The following ZHX2 variants were observed in gnomAD, a reference collection of about 807,000 sequenced individuals.
ZHX2 encodes the protein zinc fingers and homeoboxes protein 2.
In ZHX2, 6 loss-of-function variants were observed where a neutral mutation model predicts 21.9. The ratio of observed to expected loss-of-function variants is 0.27; its 90% CI spans 0.15 to 0.54. The LOEUF is 0.54. ZHX2 is among the 20% of genes least tolerant of loss of function. The pLI, the probability that ZHX2 is intolerant of heterozygous loss-of-function variation, is 0.95. For synonymous variants in ZHX2, 434 were observed against 437.1 expected (o/e 0.99, Z 0.09); for missense variants, 908 against 1,090.7 (o/e 0.83, Z 2.36).
chr8:122,854,582 C>A (rs897614029), intron 1 of ZHX2, among the ~76,000 whole-genome samples: 1 of 152,236 alleles, frequency 6.6e-6, no homozygotes, highest in Non-Finnish European at 1.5e-5. Flanking sequence ...TGCTCCTCAC[C>A]TGTGGGACAT....
chr8:122,913,924 C>T (rs551893754), intron 2 of ZHX2, among the ~76,000 whole-genome samples: 2 of 152,304 alleles, frequency 1.3e-5, no homozygotes, highest in South Asian at 4.1e-4. Flanking sequence ...TAACAATGGC[C>T]TTCATGAGAG....
At chr8:122,838,291 G>A (rs904950153) in intron 1 of ZHX2, among the ~76,000 whole-genome samples, 2 of 152,184 alleles carry the variant, frequency 1.3e-5, no homozygotes, top group African/African-American at 2.4e-5. Context: ...ACACCCTGGC[G>A]AATATTCCTC....
At chr8:122,871,297 G>A (rs1293318357) in intron 2 of ZHX2, among the ~76,000 whole-genome samples, 2 of 151,888 alleles carry the variant, frequency 1.3e-5, no homozygotes, top group African/African-American at 2.4e-5. Context: ...ATCAATGATA[G>A]ACTGGATTAA....
chr8:122,786,153 T>C (rs1013080077), intron 1 of ZHX2, among the ~76,000 whole-genome samples: 3 of 152,206 alleles, frequency 2.0e-5, no homozygotes, highest in African/African-American at 7.2e-5. Context: ...AGCTCTCCTT[T>C]CTGGATAATT....
chr8:122,894,661 G>C (rs756262413), intron 2 of ZHX2, among the ~76,000 whole-genome samples: 1 of 152,104 alleles, frequency 6.6e-6, no homozygotes, highest in Non-Finnish European at 1.5e-5. Context: ...TGCGGGGAGC[G>C]GGGAGGGATA....
intron 1 of ZHX2, among the ~76,000 whole-genome samples, chr8:122,838,785 C>T (rs544289628): frequency 5.0e-4 from 76 of 152,172 alleles, no homozygotes; most frequent in Non-Finnish European, 9.3e-4. Context: ...ACCTGTTGGC[C>T]AGGCTGGTCT....
intron 2 of ZHX2, among the ~76,000 whole-genome samples, chr8:122,943,878 G>A (rs1295350467): frequency 6.6e-6 from 1 of 152,126 alleles, no homozygotes; most frequent in Admixed American, 6.5e-5. Context: ...CTTGCCTGCA[G>A]ACCAAAATCC....
At chr8:122,865,741 T>C (rs945499967) in intron 2 of ZHX2, among the ~76,000 whole-genome samples, 5 of 152,228 alleles carry the variant, frequency 3.3e-5, no homozygotes, top group Non-Finnish European at 5.9e-5. Context: ...TCAATAAATA[T>C]TAATCCTTAT....
intron 2 of ZHX2, among the ~76,000 whole-genome samples, chr8:122,910,152 G>T (rs1258255381): frequency 6.6e-6 from 1 of 151,082 alleles, no homozygotes; most frequent in Non-Finnish European, 1.5e-5. Flanking sequence ...AAAAATCAGA[G>T]CTGGACAAAA....
At chr8:122,837,866 T>A (rs139742395) in intron 1 of ZHX2, among the ~76,000 whole-genome samples, 1 of 152,306 alleles carries the variant, frequency 6.6e-6, no homozygotes, top group African/African-American at 2.4e-5. Context: ...TCTTATTGGG[T>A]AAAATGGAAA....
rs146749601 is a variant in ZHX2 at position 122,819,382 on chromosome 8, G to A, written c.-283+37436G>A. On this transcript the variant is annotated intron_variant, in intron 1 of 3. Coordinates refer to ENST00000314393, the MANE Select transcript of ZHX2 (RefSeq NM_014943.5). ...AGTAAGCATGCCAGCAGTCCAGACCGTTATTCCCAGCATGCGTGCTCACAG... is the reference window on the plus strand; with the variant it reads ...AGTAAGCATGCCAGCAGTCCAGACCATTATTCCCAGCATGCGTGCTCACAG... 2.7e-3 allele frequency among the ~76,000 whole-genome samples: 411 copies of A among 152,326 alleles called. 2 individuals carry two copies. The highest frequency in any genetic ancestry group is 0.01 in the Middle Eastern group (3 of 294).
intron 2 of ZHX2, among the ~76,000 whole-genome samples, chr8:122,922,295 G>A (rs1290328588): frequency 6.6e-6 from 1 of 150,806 alleles, no homozygotes; most frequent in Non-Finnish European, 1.5e-5. Flanking sequence ...AAAAGAAAAG[G>A]AAAAAAAGAA....
At position 122,952,768 on chromosome 8, in the gene ZHX2, C is replaced by T. The variant is rs762756401; in HGVS notation, c.1258C>T (p.Arg420Cys). The change falls in exon 3 of 4, where the codon CGT (arginine) becomes TGT (cysteine). Residue 420 changes from arginine (R) to cysteine (C), a missense_variant. By Grantham distance (180) the Arg-to-Cys change is radical (BLOSUM62 -3). Transcript: ENST00000314393. The surrounding 1 kb of genome is among the most constrained non-coding windows in gnomAD (Gnocchi z 6.9). ...VTPQAAPEPK[R>C]PHIAQVPEPP... is the part of the protein sequence containing the mutation. ...TCCCCAAGCTGCCCCCGAACCCAAG[C>T]GTCCACACATCGCTCAGGTGCCAGA... The T allele has an allele frequency of 1.1e-5, 17 of 1,614,006 alleles. No individual in the cohort carries two copies. The highest frequency in any genetic ancestry group is 1.6e-4 in the Middle Eastern group (1 of 6,084).
At chr8:122,959,672 G>C (rs1271323661) in intron 3 of ZHX2, among the ~76,000 whole-genome samples, 1 of 152,170 alleles carries the variant, frequency 6.6e-6, no homozygotes, top group African/African-American at 2.4e-5. Context: ...ACAGCAGCGA[G>C]AGGAGAGGGA....
At chr8:122,957,714 A>G (rs7007315) in intron 3 of ZHX2, among the ~76,000 whole-genome samples, 9,209 of 152,064 alleles carry the variant, frequency 0.061, 868 homozygotes, top group African/African-American at 0.21. Flanking sequence ...CAGGTGATCC[A>G]TCTGCCTCAG....
intron 3 of ZHX2, among the ~76,000 whole-genome samples, chr8:122,959,254 G>A (rs1028360037): frequency 1.3e-5 from 2 of 152,146 alleles, no homozygotes; most frequent in African/African-American, 2.4e-5. Context: ...TGTCAGAAAG[G>A]TATTTTCCAT....
At chr8:122,820,190 AC>A (rs1432841994) in intron 1 of ZHX2, among the ~76,000 whole-genome samples, 1 of 151,952 alleles carries the variant, frequency 6.6e-6, no homozygotes, top group Non-Finnish European at 1.5e-5. Flanking sequence ...TCAGATCAGT[AC>A]CCCCAGGGTC....
At chr8:122,926,568 T>C (rs1820860697) in intron 2 of ZHX2, among the ~76,000 whole-genome samples, 1 of 152,166 alleles carries the variant, frequency 6.6e-6, no homozygotes, top group Non-Finnish European at 1.5e-5. Flanking sequence ...AGTTGTTCGC[T>C]GTCAGGTGGC....
rs60890533 is a variant in ZHX2 at position 122,945,436 on chromosome 8, C to CAAAAAAAAAAAAA, written c.-219-5841_-219-5829dup. On this transcript the variant is annotated intron_variant, in intron 2 of 3. Transcript: ENST00000314393. ...CTCTTTTATATAAACCCTGTCTCTG[C>CAAAAAAAAAAAAA]AAAAAAAAAAAAAAAAAAAAAAAAA... 3.4e-3 allele frequency among the ~76,000 whole-genome samples: 252 copies of CAAAAAAAAAAAAA among 73,652 alleles called. 36 individuals carry two copies. Among genetic ancestry groups the CAAAAAAAAAAAAA allele is most frequent in the Middle Eastern group, 8.2e-3 (1 of 122 alleles). 48.3% of individuals were successfully genotyped at this position (73,652 alleles called of 152,430 possible).
Sources: gnomAD v4.1 joint callset for allele counts (sites outside exome capture counted in the v4.1 genomes callset) on GRCh38, gnomAD v4.1.1 for gene constraint, Gnocchi (gnomAD v3.1) non-coding constraint, MANE v1.5 for transcripts, NCBI Gene and HGNC (gene_info 2026-07-23, HGNC 2026-07-21) for gene names.